CACNA2D2: variants seen among roughly 807,000 people sequenced by gnomAD.
CACNA2D2 encodes calcium voltage-gated channel auxiliary subunit alpha2delta 2.
Under a neutral mutation model 166.4 loss-of-function variants are expected in CACNA2D2, and 48 were observed. That is an observed-to-expected ratio of 0.29 (90% CI 0.23 to 0.37). CACNA2D2 has a LOEUF of 0.37. CACNA2D2 is among the 10% of genes least tolerant of loss of function. CACNA2D2 has a pLI of 1.00. For synonymous variants in CACNA2D2, 561 were observed against 573.7 expected, an observed-to-expected ratio of 0.98 and a Z score of 0.32; for missense variants, 1,122 against 1,433.0, an observed-to-expected ratio of 0.78 and a Z score of 3.50.
intron 1 of CACNA2D2, among the ~76,000 whole-genome samples, chr3:50,480,736 G>T (rs1698009364): frequency 7.1e-6 from 1 of 141,246 alleles, no homozygotes; most frequent in East Asian, 2.1e-4. Flanking sequence ...GAAGGCTGGG[G>T]GAGGCTGCAT....
At chr3:50,441,507 C>T (rs1251398458) in intron 2 of CACNA2D2, among the ~76,000 whole-genome samples, 1 of 152,242 alleles carries the variant, frequency 6.6e-6, no homozygotes, top group Non-Finnish European at 1.5e-5. Context: ...AAACCAAATC[C>T]TCCCAGCCAA....
At chr3:50,417,264 CCATA>C (rs1452309044) in intron 3 of CACNA2D2, among the ~76,000 whole-genome samples, 1 of 152,168 alleles carries the variant, frequency 6.6e-6, no homozygotes, top group African/African-American at 2.4e-5. Flanking sequence ...CACACCTTAG[CCATA>C]CATACAGGCA....
intron 2 of CACNA2D2, among the ~76,000 whole-genome samples, chr3:50,456,434 T>C (rs528239914): frequency 2.0e-5 from 3 of 152,348 alleles, no homozygotes; most frequent in Admixed American, 1.3e-4. Flanking sequence ...ACCAACATTG[T>C]GACTTCACAA....
At chr3:50,488,702 G>A (rs1243981687) in intron 1 of CACNA2D2, among the ~76,000 whole-genome samples, 1 of 147,154 alleles carries the variant, frequency 6.8e-6, no homozygotes, top group Non-Finnish European at 1.5e-5. Context: ...TTTTTTTTTT[G>A]TTTGTTTTTG....
At chr3:50,404,105 T>C (rs1325644351) in intron 3 of CACNA2D2, among the ~76,000 whole-genome samples, 4 of 152,130 alleles carry the variant, frequency 2.6e-5, no homozygotes, top group African/African-American at 9.7e-5. Context: ...GGGGATCTGC[T>C]GGTTTGGAGG....
At position 50,366,840 on chromosome 3, in the gene CACNA2D2, C is replaced by T. The variant is rs778641336; in HGVS notation, c.2580G>A (p.Gln860=). The stretch of plus-strand genomic sequence containing the variant: ...GCCCCTGCCCAAATACCTTCTGAGG[C>T]TGGTCTTGGTGGGTACGGTTGCTGG... ...VLASNRTHQD[Q]PQKCGPNSHC... The change falls in exon 29 of 38, where the codon CAG becomes CAA. Residue 860 remains glutamine, a synonymous_variant. Coordinates refer to ENST00000424201, the MANE Select transcript of CACNA2D2 (RefSeq NM_006030.4). This position sits in a 1 kb window ranked among gnomAD's most constrained non-coding sequence, Gnocchi z 5.9. 24 of 1,613,470 alleles carry T rather than the reference C, an allele frequency of 1.5e-5. No individual in the cohort carries two copies. Among genetic ancestry groups the T allele is most frequent in the Non-Finnish European group, 1.9e-5 (23 of 1,179,996 alleles).
intron 3 of CACNA2D2, among the ~76,000 whole-genome samples, chr3:50,432,920 C>G (rs939115925): frequency 1.3e-5 from 2 of 152,150 alleles, no homozygotes; most frequent in East Asian, 1.9e-4. Flanking sequence ...GCTGGGGTGG[C>G]CACCCTGACT....
rs908429124 is a variant in CACNA2D2 at position 50,456,577 on chromosome 3, C to A, written c.288+19541G>T. ...GATTGGCCGAGGCAGTCAGAACGAC[C>A]GTTGTCTCCAGGGATCCCTGCTTAG... On this transcript the variant is annotated intron_variant, in intron 2 of 37. Transcript: ENST00000424201. Among the ~76,000 whole-genome samples, 3 of 152,164 alleles carry A rather than the reference C, an allele frequency of 2.0e-5. No homozygotes were observed. The East Asian group carries it at 5.8e-4, about 29-fold the overall frequency.
At chr3:50,487,216 G>T (rs1268290990) in intron 1 of CACNA2D2, among the ~76,000 whole-genome samples, 1 of 152,190 alleles carries the variant, frequency 6.6e-6, no homozygotes, top group Non-Finnish European at 1.5e-5. Flanking sequence ...GGCCAAATAG[G>T]AAGTAGGTTG....
chr3:50,447,257 G>A lies in CACNA2D2; in HGVS notation c.289-12828C>T, dbSNP rs58462551. Among the ~76,000 whole-genome samples, 939 of 152,266 alleles carry A rather than the reference G, an allele frequency of 6.2e-3. 12 individuals are homozygous for A. The highest frequency in any genetic ancestry group is 0.049 in the East Asian group (252 of 5,180). Reference sequence around the variant, plus strand: ...TAAGGTCGTCTGGAGGCTACAGGCTGGAGGCCTGGATCCCCACATGCAGTG... The same window carrying A: ...TAAGGTCGTCTGGAGGCTACAGGCTAGAGGCCTGGATCCCCACATGCAGTG... On this transcript the variant is annotated intron_variant, in intron 2 of 37. Coordinates refer to ENST00000424201, the MANE Select transcript of CACNA2D2 (RefSeq NM_006030.4).
At chr3:50,432,208 G>A (rs1016466497) in intron 3 of CACNA2D2, among the ~76,000 whole-genome samples, 2 of 152,070 alleles carry the variant, frequency 1.3e-5, no homozygotes, top group African/African-American at 4.8e-5. Flanking sequence ...TTAGGGGTGG[G>A]GGAAGTGGCT....
chr3:50,393,789 CA>C (rs1162754427), intron 4 of CACNA2D2, among the ~76,000 whole-genome samples: 1 of 152,206 alleles, frequency 6.6e-6, no homozygotes, highest in Non-Finnish European at 1.5e-5. Context: ...TCCTGAAGTC[CA>C]AAGGCCTCTG....
In CACNA2D2 at chr3:50,392,006, G is replaced by A. The variant is rs1705914276; in HGVS notation, c.465+2103C>T. On this transcript the variant is annotated intron_variant, in intron 4 of 37. Coordinates refer to ENST00000424201, the MANE Select transcript of CACNA2D2 (RefSeq NM_006030.4). The stretch of plus-strand genomic sequence containing the variant: ...AGAGAGGCTTTGCACTGAAGGAGGG[G>A]TGGATAAGGGCATTCCTAGGAAGAG... Among the ~76,000 whole-genome samples the A allele has an allele frequency of 2.0e-5, 3 of 152,338 alleles. No individual in the cohort carries two copies. The South Asian group carries it at 6.2e-4, about 32-fold the overall frequency.
intron 22 of CACNA2D2, chr3:50,373,227 C>T: frequency 1.5e-6 from 1 of 686,724 alleles, no homozygotes; most frequent in Admixed American, 2.7e-5. Flanking sequence ...TGTGTCTCAT[C>T]ATCATACCGA....
intron 2 of CACNA2D2, among the ~76,000 whole-genome samples, chr3:50,442,652 A>C (rs188398573): frequency 1.6e-3 from 237 of 152,280 alleles, no homozygotes; most frequent in Admixed American, 1.6e-3. Context: ...CACATATCCC[A>C]GGGCCCATGG....
chr3:50,497,533 CTG>C (rs1390646221), intron 1 of CACNA2D2, among the ~76,000 whole-genome samples: 1 of 152,206 alleles, frequency 6.6e-6, no homozygotes, highest in African/African-American at 2.4e-5. Context: ...AGGAAAAGCA[CTG>C]TGAGGGCCCA....
intron 3 of CACNA2D2, among the ~76,000 whole-genome samples, chr3:50,422,191 C>A (rs751103247): frequency 1.3e-5 from 2 of 152,166 alleles, no homozygotes; most frequent in African/African-American, 4.8e-5. Flanking sequence ...TGACCCCTCC[C>A]CTGACAACTA....
At chr3:50,471,107 C>T (rs888598442) in intron 2 of CACNA2D2, among the ~76,000 whole-genome samples, 10 of 152,180 alleles carry the variant, frequency 6.6e-5, no homozygotes, top group African/African-American at 2.4e-4. Flanking sequence ...CCATCATCTA[C>T]ACCAGGAGAC....
At chr3:50,443,893 G>A (rs949918427) in intron 2 of CACNA2D2, among the ~76,000 whole-genome samples, 6 of 152,200 alleles carry the variant, frequency 3.9e-5, no homozygotes, top group African/African-American at 9.7e-5. Flanking sequence ...GGGCCAGGGG[G>A]GACTCCCAAT....
Sources: gnomAD v4.1 joint callset for allele counts (sites outside exome capture counted in the v4.1 genomes callset) on GRCh38, gnomAD v4.1.1 for gene constraint, Gnocchi (gnomAD v3.1) non-coding constraint, MANE v1.5 for transcripts, NCBI Gene and HGNC (gene_info 2026-07-23, HGNC 2026-07-21) for gene names.